BIN1: variants seen among roughly 807,000 people sequenced by gnomAD.
The protein encoded by BIN1 is myc box-dependent-interacting protein 1.
In BIN1, 53 loss-of-function variants were observed where a neutral mutation model predicts 82.0. The observed-to-expected ratio is 0.65, with a 90% CI of 0.52 to 0.81. The LOEUF is 0.81. BIN1 is among the 40% of genes least tolerant of loss of function. BIN1 has a pLI of 0.00. For synonymous variants in BIN1, 302 were observed against 328.0 expected (o/e 0.92, Z 0.86); for missense variants, 642 against 784.4 (o/e 0.82, Z 2.17).
intron 1 of BIN1, among the ~76,000 whole-genome samples, chr2:127,096,195 CA>C (rs1236516543): frequency 2.0e-5 from 3 of 152,156 alleles, no homozygotes; most frequent in Non-Finnish European, 4.4e-5. Context: ...GGGTCTAAGT[CA>C]AAGGAGAGCT....
intron 1 of BIN1, among the ~76,000 whole-genome samples, chr2:127,094,445 G>C (rs10207628): frequency 0.22 from 33,095 of 152,064 alleles, 3,879 homozygotes; most frequent in African/African-American, 0.3. Context: ...CTGTTAGCCC[G>C]TTTTATGGAA....
intron 1 of BIN1, among the ~76,000 whole-genome samples, chr2:127,085,976 T>G (rs1036883682): frequency 1.3e-5 from 2 of 152,224 alleles, no homozygotes; most frequent in African/African-American, 4.8e-5. Context: ...GGAGCCCAGT[T>G]GAGGCCCCCA....
chr2:127,083,221 G>A (rs962635037), intron 1 of BIN1, among the ~76,000 whole-genome samples: 3 of 151,906 alleles, frequency 2.0e-5, no homozygotes, highest in African/African-American at 7.3e-5. Context: ...GAGTAGCTGG[G>A]ACTACAGGCC....
chr2:127,048,108 G>A lies in BIN1; in HGVS notation c.*418C>T, dbSNP rs779551565. 1.8e-4 allele frequency: 47 copies of A among 268,500 alleles called. No individual in the cohort carries two copies. Among genetic ancestry groups the A allele is most frequent in the Admixed American group, 2.5e-4 (5 of 20,086 alleles). The allele number at this position is 268,500 out of a possible 1,614,324, so 16.6% of individuals were successfully genotyped here. Reference sequence around the variant, plus strand: ...TTTATTTTCAAACAGCACACAGACCGTCTGCGGGGCAGAGCCAGGCTAGGC... The same window carrying A: ...TTTATTTTCAAACAGCACACAGACCATCTGCGGGGCAGAGCCAGGCTAGGC... On this transcript the variant is annotated 3_prime_UTR_variant, in exon 19 of 19. Transcript: ENST00000316724.
chr2:127,079,449 G>A (rs1445513897), intron 1 of BIN1, among the ~76,000 whole-genome samples: 1 of 152,176 alleles, frequency 6.6e-6, no homozygotes, highest in Non-Finnish European at 1.5e-5. Flanking sequence ...GACTGACACC[G>A]CCAGCCCTCA....
chr2:127,082,529 C>T lies in BIN1; in HGVS notation c.85-5823G>A, dbSNP rs1307085575. ...GGGTACAAGGCCCTCTGCCTCCCCT[C>T]TCCTGCCCCAAGATGCTGCCTGCTG... On this transcript the variant is annotated intron_variant, in intron 1 of 18. Transcript: ENST00000316724. The surrounding 1 kb of genome is among the most constrained non-coding windows in gnomAD (Gnocchi z 6.1). 1.3e-5 allele frequency among the ~76,000 whole-genome samples: 2 copies of T among 152,164 alleles called. No individual in the cohort carries two copies. The highest frequency in any genetic ancestry group is 2.1e-4 in the South Asian group (1 of 4,828).
chr2:127,087,113 A>G (rs1678273743), intron 1 of BIN1, among the ~76,000 whole-genome samples: 1 of 152,170 alleles, frequency 6.6e-6, no homozygotes, highest in South Asian at 2.1e-4. Context: ...TCCTTAACTG[A>G]CAATAAAAAC....
chr2:127,063,814 G>T, intron 8 of BIN1, 119 bp downstream of exon 8: 1 of 1,435,476 alleles, frequency 7.0e-7, no homozygotes, highest in Non-Finnish European at 9.8e-7. Context: ...GCTGGGCACC[G>T]CAGCACGCAG....
At chr2:127,078,756 G>A (rs984032109) in intron 1 of BIN1, among the ~76,000 whole-genome samples, 7 of 152,180 alleles carry the variant, frequency 4.6e-5, no homozygotes, top group Non-Finnish European at 8.8e-5. Flanking sequence ...CATCCAGAAG[G>A]GACCCCCCAG....
At chr2:127,100,999 C>CGGGGGGCGG (rs1553487375) in intron 1 of BIN1, among the ~76,000 whole-genome samples, 1 of 101,686 alleles carries the variant, frequency 9.8e-6, no homozygotes, top group African/African-American at 5.0e-5. Flanking sequence ...TAGGAATGTG[C>CGGGGGGCGG]GGGGGGTGGG....
chr2:127,097,539 C>T (rs1679764027), intron 1 of BIN1, among the ~76,000 whole-genome samples: 2 of 152,170 alleles, frequency 1.3e-5, no homozygotes, highest in Admixed American at 1.3e-4. Context: ...ACAGGTGTCA[C>T]CTGGCCCCTG....
At chr2:127,105,802 G>A (rs1573843786) in intron 1 of BIN1, among the ~76,000 whole-genome samples, 1 of 152,180 alleles carries the variant, frequency 6.6e-6, no homozygotes, top group East Asian at 1.9e-4. Flanking sequence ...CGGCGGCCGC[G>A]CAGCGGGTGG....
chr2:127,066,269 G>A (rs1224161438), intron 7 of BIN1, among the ~76,000 whole-genome samples: 1 of 152,174 alleles, frequency 6.6e-6, no homozygotes, highest in African/African-American at 2.4e-5. Context: ...ATAAAGATGG[G>A]ACCCAAATGG....
intron 1 of BIN1, among the ~76,000 whole-genome samples, chr2:127,085,875 C>G (rs1206805850): frequency 6.6e-6 from 1 of 152,206 alleles, no homozygotes; most frequent in Non-Finnish European, 1.5e-5. Context: ...TAGGGACAGG[C>G]ATCTGTCAAC....
intron 12 of BIN1, among the ~76,000 whole-genome samples, chr2:127,056,727 C>G (rs1683724748): frequency 6.6e-6 from 1 of 152,238 alleles, no homozygotes; most frequent in Admixed American, 6.5e-5. Flanking sequence ...AGGCCGGCCA[C>G]CTCTGGGCAA....
At chr2:127,064,786 C>G (rs1277548475) in intron 7 of BIN1, 1 of 155,330 alleles carries the variant, frequency 6.4e-6, no homozygotes, top group Non-Finnish European at 1.4e-5. Flanking sequence ...GGCAGTGGTG[C>G]TCAGGCCCCA....
chr2:127,059,104 G>T lies in BIN1; in HGVS notation c.909C>A (p.Ser303=). Residue 303 remains serine, a synonymous_variant, in exon 11 of 19, where the codon TCC becomes TCA. Coordinates refer to ENST00000316724, the MANE Select transcript of BIN1 (RefSeq NM_139343.3). This position sits in a 1 kb window ranked among gnomAD's most constrained non-coding sequence, Gnocchi z 6.7. ...CTCTGATCTCGGGGGTGGCGGCAGG[G>T]GAGCCATCTGGAGGCGAAGGGCTCT... ...GNKSPSPPDG[S]PAATPEIRVN... The T allele has an allele frequency of 6.3e-7, 1 of 1,594,096 alleles. No individual in the cohort carries two copies. The highest frequency in any genetic ancestry group is 8.5e-7 in the Non-Finnish European group (1 of 1,171,370).
At chr2:127,100,739 C>A (rs757907499) in intron 1 of BIN1, among the ~76,000 whole-genome samples, 2 of 152,172 alleles carry the variant, frequency 1.3e-5, no homozygotes, top group Non-Finnish European at 2.9e-5. Flanking sequence ...CACAACCCTG[C>A]GGCCTCTTTA....
intron 1 of BIN1, among the ~76,000 whole-genome samples, chr2:127,077,611 G>A (rs1458362565): frequency 2.0e-5 from 3 of 152,208 alleles, no homozygotes; most frequent in Non-Finnish European, 4.4e-5. Flanking sequence ...ACATGACGGA[G>A]AGAGAGGTGG....
Sources: allele counts gnomAD v4.1 joint callset (sites outside exome capture counted in the v4.1 genomes callset), GRCh38; gene constraint gnomAD v4.1.1; non-coding constraint Gnocchi (gnomAD v3.1); transcripts MANE v1.5; gene names NCBI Gene and HGNC (gene_info 2026-07-23, HGNC 2026-07-21).